The following SYK variants were observed in gnomAD, a reference collection of about 807,000 sequenced individuals.
The protein encoded by SYK is spleen associated tyrosine kinase, also known as tyrosine-protein kinase SYK.
A neutral mutation model predicts 77.8 loss-of-function variants in SYK; 16 were observed. The observed-to-expected ratio is 0.21, with a 90% CI of 0.14 to 0.31. SYK has a LOEUF of 0.31. SYK is among the 10% of genes least tolerant of loss of function. The pLI is 1.00. For missense variants in SYK, 529 were observed against 814.4 expected, an observed-to-expected ratio of 0.65 and a Z score of 4.26; for synonymous variants, 312 against 308.7, an observed-to-expected ratio of 1.01 and a Z score of -0.11.
chr9:90,824,299 C>T (rs1262510573), intron 1 of SYK, among the ~76,000 whole-genome samples: 2 of 152,126 alleles, frequency 1.3e-5, no homozygotes, highest in Non-Finnish European at 2.9e-5. Context: ...TGAATTCTGT[C>T]AAACACTTAA....
At chr9:90,881,629 G>A (rs1267599017) in intron 11 of SYK, among the ~76,000 whole-genome samples, 3 of 136,126 alleles carry the variant, frequency 2.2e-5, no homozygotes, top group Admixed American at 1.6e-4. Flanking sequence ...GCAGTGAGCT[G>A]AGATCGTGCC....
rs1294271543 is a variant in SYK, at chr9:90,898,010, C to T, written c.*2410C>T. ...GCCTCCAGGCTTCTAGAGCAGCTAGCTTGGGCTGGATTCTCATACCCAGGC... is the reference window on the plus strand; with the variant it reads ...GCCTCCAGGCTTCTAGAGCAGCTAGTTTGGGCTGGATTCTCATACCCAGGC... On this transcript the variant is annotated 3_prime_UTR_variant, in exon 14 of 14. Coordinates refer to ENST00000375754, the MANE Select transcript of SYK (RefSeq NM_003177.7). 8.7e-6 allele frequency: 2 copies of T among 229,314 alleles called. No individual in the cohort carries two copies. Among genetic ancestry groups the T allele is most frequent in the Non-Finnish European group, 1.7e-5 (2 of 115,654 alleles). The allele number at this position is 229,314 out of a possible 1,614,324, so 14.2% of individuals were successfully genotyped here.
At chr9:90,812,578 G>A (rs1447547504) in intron 1 of SYK, among the ~76,000 whole-genome samples, 1 of 152,190 alleles carries the variant, frequency 6.6e-6, no homozygotes. Context: ...ACCACCATTT[G>A]ACAGCTAGTT....
At chr9:90,830,130 A>G (rs1054937456) in intron 1 of SYK, among the ~76,000 whole-genome samples, 14 of 152,270 alleles carry the variant, frequency 9.2e-5, no homozygotes, top group African/African-American at 3.4e-4. Context: ...TATACTAAGA[A>G]GTCCCCCATG....
At chr9:90,889,729 C>A (rs1333362318) in intron 13 of SYK, among the ~76,000 whole-genome samples, 1 of 152,240 alleles carries the variant, frequency 6.6e-6, no homozygotes, top group Non-Finnish European at 1.5e-5. Context: ...GCATCTTCTC[C>A]AACCCCAAGT....
At chr9:90,883,440 T>TA (rs1828234976) in intron 11 of SYK, among the ~76,000 whole-genome samples, 1 of 151,660 alleles carries the variant, frequency 6.6e-6, no homozygotes, top group Non-Finnish European at 1.5e-5. Context: ...CAAAAACAAA[T>TA]ACCACCACCA....
intron 2 of SYK, 37 bp downstream of exon 2, chr9:90,844,352 G>A: frequency 6.6e-7 from 1 of 1,515,366 alleles, no homozygotes; most frequent in Non-Finnish European, 8.8e-7. Context: ...GGGCCCAGGG[G>A]GCCCTGTGAC....
At chr9:90,831,570 C>T (rs749983176) in intron 1 of SYK, among the ~76,000 whole-genome samples, 11 of 152,092 alleles carry the variant, frequency 7.2e-5, no homozygotes, top group Admixed American at 2.0e-4. Flanking sequence ...GTTGGGGAGA[C>T]GGAAGGGAAA....
In SYK at chr9:90,807,395, G is replaced by A. The variant is rs1333631; in HGVS notation, c.-42+5502G>A. 3.3e-3 allele frequency among the ~76,000 whole-genome samples: 510 copies of A among 152,338 alleles called. 7 individuals carry two copies. Among genetic ancestry groups the A allele is most frequent in the Non-Finnish European group, 3.6e-3 (245 of 68,028 alleles). ...TTTATCGAATATTTTTGTAGCTACG[G>A]GTTGAGAGTAAGGGTCTGAGGCCCC... On this transcript the variant is annotated intron_variant, in intron 1 of 13. Transcript: ENST00000375754.
chr9:90,841,858 A>T (rs1418769903), intron 1 of SYK, among the ~76,000 whole-genome samples: 1 of 79,010 alleles, frequency 1.3e-5, no homozygotes, highest in African/African-American at 4.8e-5. Flanking sequence ...GCAGTGTGTT[A>T]TGTGTGTTGT....
At chr9:90,887,655 A>T in intron 11 of SYK, 94 bp from the exon 12 acceptor site, 1 of 1,384,006 alleles carries the variant, frequency 7.2e-7, no homozygotes, top group Non-Finnish European at 9.7e-7. Flanking sequence ...TGCTCTCCTC[A>T]GCCTCCCAAA....
At chr9:90,874,561 C>A in intron 8 of SYK, 111 bp from the exon 9 acceptor site, 1 of 1,334,060 alleles carries the variant, frequency 7.5e-7, no homozygotes, top group Non-Finnish European at 1.0e-6. Flanking sequence ...TCATCCCTTG[C>A]AACATTGATG....
intron 11 of SYK, among the ~76,000 whole-genome samples, chr9:90,884,903 ATGTG>A (rs1308885209): frequency 7.8e-6 from 1 of 127,684 alleles, no homozygotes; most frequent in Non-Finnish European, 1.7e-5. Flanking sequence ...ATATGCACAT[ATGTG>A]TATATATACA....
chr9:90,889,842 T>C (rs1385170997), intron 13 of SYK, among the ~76,000 whole-genome samples: 2 of 152,212 alleles, frequency 1.3e-5, no homozygotes, highest in Non-Finnish European at 2.9e-5. Flanking sequence ...TCCCAGTGCC[T>C]AAACTAGAAT....
chr9:90,864,776 C>A, intron 5 of SYK, 109 bp downstream of exon 5: 1 of 931,834 alleles, frequency 1.1e-6, no homozygotes, highest in Non-Finnish European at 1.7e-6. Flanking sequence ...CTTCTTTTTA[C>A]GGGTTGATTA....
intron 1 of SYK, among the ~76,000 whole-genome samples, chr9:90,842,603 A>C (rs1168921642): frequency 1.4e-5 from 2 of 144,498 alleles, no homozygotes; most frequent in East Asian, 4.2e-4. Flanking sequence ...TGATGTGTGT[A>C]GTGTGTTTCG....
At chr9:90,816,181 C>T (rs1048749760) in intron 1 of SYK, among the ~76,000 whole-genome samples, 5 of 152,216 alleles carry the variant, frequency 3.3e-5, no homozygotes, top group African/African-American at 1.2e-4. Context: ...CCCTTAGAAT[C>T]TGCTTCACTG....
intron 4 of SYK, among the ~76,000 whole-genome samples, chr9:90,863,020 C>T (rs759204827): frequency 7.9e-5 from 12 of 152,182 alleles, no homozygotes; most frequent in Non-Finnish European, 1.2e-4. Flanking sequence ...GACCCAGCTA[C>T]TAGAAAACCC....
intron 1 of SYK, among the ~76,000 whole-genome samples, chr9:90,841,846 G>A (rs1432379456): frequency 6.9e-6 from 1 of 145,774 alleles, no homozygotes; most frequent in African/African-American, 2.5e-5. Context: ...TGTGTTGTGT[G>A]TGCAGTGTGT....
Sources: gnomAD v4.1 joint callset for allele counts (sites outside exome capture counted in the v4.1 genomes callset) on GRCh38, gnomAD v4.1.1 for gene constraint, MANE v1.5 for transcripts, NCBI Gene and HGNC (gene_info 2026-07-23, HGNC 2026-07-21) for gene names.